TRPC4: variants seen among roughly 807,000 people sequenced by gnomAD.
TRPC4 encodes the protein short transient receptor potential channel 4.
Under a neutral mutation model 99.4 loss-of-function variants are expected in TRPC4, and 49 were observed. The observed-to-expected ratio is 0.49, with a 90% CI of 0.39 to 0.63. The LOEUF (loss-of-function observed/expected upper bound fraction) is 0.63, where lower values mean the gene tolerates loss of function less well. TRPC4 is among the 20% of genes least tolerant of loss of function. The pLI is 0.00. For missense variants in TRPC4, 898 were observed against 1,152.9 expected (o/e 0.78, Z 3.20); for synonymous variants, 454 against 425.9 (o/e 1.07, Z -0.81).
chr13:37,735,941 A>G (rs1453129980), intron 3 of TRPC4, among the ~76,000 whole-genome samples: 1 of 152,220 alleles, frequency 6.6e-6, no homozygotes, highest in Non-Finnish European at 1.5e-5. Context: ...AGTGTTGTTT[A>G]AAAGGACAAA....
At chr13:37,739,620 C>T (rs570825334) in intron 3 of TRPC4, among the ~76,000 whole-genome samples, 5 of 151,604 alleles carry the variant, frequency 3.3e-5, no homozygotes, top group African/African-American at 1.2e-4. Flanking sequence ...ATTCTCCTGC[C>T]TCAGCCTCCT....
chr13:37,823,712 T>G (rs1357542967), intron 1 of TRPC4, among the ~76,000 whole-genome samples: 1 of 149,200 alleles, frequency 6.7e-6, no homozygotes, highest in Non-Finnish European at 1.5e-5. Flanking sequence ...GTGTGATGCC[T>G]CCAGCTTTGT....
chr13:37,688,481 T>C (rs1953568230), intron 4 of TRPC4, among the ~76,000 whole-genome samples: 1 of 152,066 alleles, frequency 6.6e-6, no homozygotes, highest in Admixed American at 6.6e-5. Context: ...GAAAAAGAAA[T>C]TGGTTTGAAA....
chr13:37,842,342 C>CA (rs1566215865), intron 1 of TRPC4, among the ~76,000 whole-genome samples: 2 of 47,854 alleles, frequency 4.2e-5, no homozygotes, highest in African/African-American at 1.1e-4. Flanking sequence ...TAGCGTCTAG[C>CA]CAAAAAAAAA....
At chr13:37,667,534 C>G (rs987613622) in intron 5 of TRPC4, among the ~76,000 whole-genome samples, 1 of 152,180 alleles carries the variant, frequency 6.6e-6, no homozygotes, top group African/African-American at 2.4e-5. Context: ...TCTTGAACTC[C>G]TGATCTCAGG....
At chr13:37,639,342 T>C in intron 8 of TRPC4, 43 bp from the exon 9 acceptor site, 3 of 1,547,652 alleles carry the variant, frequency 1.9e-6, no homozygotes, top group South Asian at 1.2e-5. Context: ...TACTGTTATA[T>C]TACTATTCTA....
At chr13:37,788,808 C>T (rs567624777) in intron 1 of TRPC4, among the ~76,000 whole-genome samples, 2 of 152,238 alleles carry the variant, frequency 1.3e-5, no homozygotes, top group South Asian at 4.1e-4. Flanking sequence ...ACACATCTCC[C>T]TTAAGATCTG....
intron 1 of TRPC4, among the ~76,000 whole-genome samples, chr13:37,815,920 C>T (rs1339375459): frequency 6.6e-6 from 1 of 151,766 alleles, no homozygotes; most frequent in Non-Finnish European, 1.5e-5. Flanking sequence ...AACACACTCT[C>T]AGAACACAGC....
chr13:37,686,017 G>C (rs1953461348), intron 4 of TRPC4, among the ~76,000 whole-genome samples: 1 of 152,054 alleles, frequency 6.6e-6, no homozygotes, highest in Non-Finnish European at 1.5e-5. Context: ...TTAATAAATG[G>C]GTAGTCTGCA....
chr13:37,637,248 T>A lies in TRPC4; in HGVS notation c.2589A>T (p.Gln863His). The change falls in exon 11 of 11, where the codon CAA becomes CAT. Residue 863 changes from glutamine (Q) to histidine (H), a missense_variant. Gln to His is a conservative substitution (Grantham distance 24, BLOSUM62 0). Coordinates refer to ENST00000379705, the MANE Select transcript of TRPC4 (RefSeq NM_016179.4). ...CAACTTCTTCTGAAACAGAGAAGAT[T>A]TGGTTTGCATTTTGCTCAGCAGCAT... Reference protein sequence around the residue: ...KQNAAEQNANQIFSVSEEVAR... With the variant: ...KQNAAEQNANHIFSVSEEVAR... The A allele has an allele frequency of 6.2e-7, 1 of 1,613,916 alleles. No homozygotes were observed. The highest frequency in any genetic ancestry group is 8.5e-7 in the Non-Finnish European group (1 of 1,179,870).
intron 6 of TRPC4, among the ~76,000 whole-genome samples, chr13:37,656,354 G>A (rs1952236516): frequency 6.6e-6 from 1 of 152,154 alleles, no homozygotes; most frequent in Non-Finnish European, 1.5e-5. Context: ...GATGACTAAG[G>A]AGGTAGGATT....
intron 5 of TRPC4, among the ~76,000 whole-genome samples, chr13:37,674,012 G>GTAGAATTT (rs1952953868): frequency 6.6e-6 from 1 of 152,016 alleles, no homozygotes; most frequent in African/African-American, 2.4e-5. Flanking sequence ...GGAATTGGGT[G>GTAGAATTT]ATAACTTCTA....
At chr13:37,851,158 A>G (rs1282548627) in intron 1 of TRPC4, among the ~76,000 whole-genome samples, 2 of 152,194 alleles carry the variant, frequency 1.3e-5, no homozygotes, top group Non-Finnish European at 2.9e-5. Context: ...GGGTCATACA[A>G]GGAATACATA....
intron 1 of TRPC4, among the ~76,000 whole-genome samples, chr13:37,828,826 C>G (rs1443557402): frequency 6.6e-6 from 1 of 152,118 alleles, no homozygotes; most frequent in South Asian, 2.1e-4. Context: ...ACACTGGGGC[C>G]TACTTGATGG....
At chr13:37,815,455 G>A (rs911592454) in intron 1 of TRPC4, among the ~76,000 whole-genome samples, 1 of 151,684 alleles carries the variant, frequency 6.6e-6, no homozygotes, top group Non-Finnish European at 1.5e-5. Context: ...ACTGAAAAAA[G>A]CAAGGATTGA....
chr13:37,868,549 T>C (rs1959927549), intron 1 of TRPC4, among the ~76,000 whole-genome samples: 1 of 152,182 alleles, frequency 6.6e-6, no homozygotes, highest in Non-Finnish European at 1.5e-5. Context: ...GCTGTGATTA[T>C]GTACTGTGAA....
chr13:37,651,933 G>A (rs1467152435), intron 7 of TRPC4, among the ~76,000 whole-genome samples: 1 of 152,168 alleles, frequency 6.6e-6, no homozygotes, highest in Non-Finnish European at 1.5e-5. Flanking sequence ...GTTTTCATGT[G>A]AATATTATTG....
At chr13:37,824,770 A>G (rs1274320293) in intron 1 of TRPC4, among the ~76,000 whole-genome samples, 2 of 152,070 alleles carry the variant, frequency 1.3e-5, no homozygotes, top group South Asian at 2.1e-4. Context: ...TTGGTATCAG[A>G]ATGATGCTGG....
At chr13:37,660,273 C>T (rs879245078) in intron 6 of TRPC4, among the ~76,000 whole-genome samples, 1 of 152,014 alleles carries the variant, frequency 6.6e-6, no homozygotes, top group Admixed American at 6.6e-5. Context: ...TTAAAAGGGG[C>T]AAGATTTCCA....
Sources: gnomAD v4.1 joint callset for allele counts (sites outside exome capture counted in the v4.1 genomes callset) on GRCh38, gnomAD v4.1.1 for gene constraint, MANE v1.5 for transcripts, NCBI Gene and HGNC (gene_info 2026-07-23, HGNC 2026-07-21) for gene names.